Variants in RASEF observed in about 807,000 individuals in gnomAD.
RASEF encodes ras and EF-hand domain-containing protein.
In RASEF, 68 loss-of-function variants were observed where a neutral mutation model predicts 90.1. That is an observed-to-expected ratio of 0.75 (90% CI 0.62 to 0.92). The LOEUF (loss-of-function observed/expected upper bound fraction) is 0.92, where lower values mean the gene tolerates loss of function less well. Among genes scored for constraint, RASEF ranks in the 40% least tolerant of loss-of-function variants. The pLI is 0.00. For missense variants in RASEF, 949 were observed against 937.2 expected (o/e 1.01, Z -0.16); for synonymous variants, 331 against 345.2 (o/e 0.96, Z 0.46).
chr9:83,185,486 C>A, the RASEF span, among the ~76,000 whole-genome samples: 1 of 151,910 alleles, frequency 6.6e-6, no homozygotes, highest in Admixed American at 6.6e-5. Context: ...TAAAGAAGCA[C>A]AGTCAATTAT....
intron 5 of RASEF, 120 bp downstream of exon 5, chr9:83,012,314 C>T (rs570411425): frequency 4.0e-6 from 2 of 505,896 alleles, no homozygotes; most frequent in Non-Finnish European, 6.9e-6. Context: ...ATTTTAAGGA[C>T]TTTTTCTAAC....
At chr9:83,169,521 C>G in the RASEF span, among the ~76,000 whole-genome samples, 1 of 151,944 alleles carries the variant, frequency 6.6e-6, no homozygotes, top group East Asian at 1.9e-4. Flanking sequence ...TGAGCATTTC[C>G]TTTTCTCCAT....
intron 1 of RASEF, among the ~76,000 whole-genome samples, chr9:83,046,737 C>A (rs368272731): frequency 6.6e-6 from 1 of 152,020 alleles, no homozygotes; most frequent in African/African-American, 2.4e-5. Flanking sequence ...AATTATGAGA[C>A]GACTGTGTCA....
chr9:83,190,238 C>G, the RASEF span, among the ~76,000 whole-genome samples: 3 of 152,162 alleles, frequency 2.0e-5, no homozygotes, highest in African/African-American at 7.2e-5. Flanking sequence ...CCCTGTTACA[C>G]GAAGCATCTA....
chr9:82,989,636 A>C (rs1421920853), intron 16 of RASEF, among the ~76,000 whole-genome samples: 1 of 152,254 alleles, frequency 6.6e-6, no homozygotes, highest in African/African-American at 2.4e-5. Flanking sequence ...AAACCTTACA[A>C]ATAATCAGAA....
upstream of RASEF, among the ~76,000 whole-genome samples, chr9:83,066,079 C>T (rs2117944642): frequency 6.6e-6 from 1 of 152,296 alleles, no homozygotes; most frequent in East Asian, 1.9e-4. Context: ...TCCGAGCATC[C>T]ACAGCCCTCT....
chr9:82,981,477 G>T lies in RASEF; in HGVS notation c.*1200C>A, dbSNP rs1703642727. 6.6e-6 allele frequency: 1 copy of T among 152,180 alleles called. No homozygotes were observed. Among genetic ancestry groups the T allele is most frequent in the South Asian group, 2.1e-4 (1 of 4,830 alleles). The allele number at this position is 152,180 out of a possible 1,614,324, so 9.4% of individuals were successfully genotyped here. A position where few individuals can be genotyped will look rare whatever the true frequency, so the allele number is the denominator to read the frequency against. ...TAAGGAAGTTAATGTTAGCAACCAG[G>T]GAGTTAGGGGACTTGCATTACATTA... On this transcript the variant is annotated 3_prime_UTR_variant, in exon 17 of 17. Transcript: ENST00000376447.
chr9:83,133,161 G>C, the RASEF span, among the ~76,000 whole-genome samples: 1 of 152,250 alleles, frequency 6.6e-6, no homozygotes, highest in Non-Finnish European at 1.5e-5. Context: ...TAACCTCTTT[G>C]AGAGGAATGA....
chr9:83,041,766 GT>G (rs1211874736), intron 1 of RASEF, among the ~76,000 whole-genome samples: 1 of 151,986 alleles, frequency 6.6e-6, no homozygotes, highest in African/African-American at 2.4e-5. Flanking sequence ...TCTGAAGTGT[GT>G]TTTTAAAAAA....
At chr9:83,017,339 A>G (rs10867923) in intron 3 of RASEF, among the ~76,000 whole-genome samples, 62,790 of 133,870 alleles carry the variant, frequency 0.47, 15,593 homozygotes, top group East Asian at 0.71. Context: ...AAAAAAAAAA[A>G]AAAGAAAGAA....
At chr9:83,108,961 A>G in the RASEF span, among the ~76,000 whole-genome samples, 1 of 152,232 alleles carries the variant, frequency 6.6e-6, no homozygotes, top group Non-Finnish European at 1.5e-5. Flanking sequence ...AACCAAGAGC[A>G]CCAGAAGTGA....
intron 1 of RASEF, among the ~76,000 whole-genome samples, chr9:83,029,531 T>A (rs2118591213): frequency 6.6e-6 from 1 of 151,752 alleles, no homozygotes; most frequent in South Asian, 2.1e-4. Context: ...TAGCTGAGAT[T>A]ACAGGAGCCC....
chr9:83,190,397 TG>T, the RASEF span, among the ~76,000 whole-genome samples: 1 of 152,238 alleles, frequency 6.6e-6, no homozygotes, highest in African/African-American at 2.4e-5. Flanking sequence ...TTCGTTCTAG[TG>T]GATCAATGGG....
At chr9:83,209,100 G>C in the RASEF span, among the ~76,000 whole-genome samples, 1 of 152,222 alleles carries the variant, frequency 6.6e-6, no homozygotes, top group Admixed American at 6.5e-5. Flanking sequence ...TCCCAGTATT[G>C]CTCTGCTTCT....
chr9:83,026,081 T>C (rs1489342950), intron 1 of RASEF, among the ~76,000 whole-genome samples, 160 bp from the exon 2 acceptor site: 2 of 152,086 alleles, frequency 1.3e-5, no homozygotes, highest in African/African-American at 4.8e-5. Flanking sequence ...TCAGGAGATA[T>C]GGTTGGATTT....
At chr9:83,047,837 C>T (rs546472780) in intron 1 of RASEF, among the ~76,000 whole-genome samples, 23 of 152,256 alleles carry the variant, frequency 1.5e-4, no homozygotes, top group African/African-American at 4.1e-4. Context: ...ACAACATGCT[C>T]GAATCAACAG....
chr9:83,002,861 C>T (rs955128485), intron 9 of RASEF, among the ~76,000 whole-genome samples: 1 of 151,984 alleles, frequency 6.6e-6, no homozygotes, highest in African/African-American at 2.4e-5. Flanking sequence ...TGTGCATGTA[C>T]CCCCTGAATC....
chr9:83,149,189 T>TA, the RASEF span, among the ~76,000 whole-genome samples: 6 of 152,326 alleles, frequency 3.9e-5, no homozygotes, highest in East Asian at 1.2e-3. Flanking sequence ...CCACAAAGAT[T>TA]ATGGCACACC....
chr9:83,106,185 A>G, the RASEF span, among the ~76,000 whole-genome samples: 2 of 152,160 alleles, frequency 1.3e-5, no homozygotes, highest in African/African-American at 4.8e-5. Context: ...CTAATTTTCT[A>G]TGAATGTATC....
Sources: allele counts gnomAD v4.1 joint callset (sites outside exome capture counted in the v4.1 genomes callset), GRCh38; gene constraint gnomAD v4.1.1; transcripts MANE v1.5; gene names NCBI Gene and HGNC (gene_info 2026-07-23, HGNC 2026-07-21).